The following FLNC variants were observed in gnomAD, a reference collection of about 807,000 sequenced individuals.
FLNC encodes filamin C, also known as filamin-C.
FLNC carries 91 observed loss-of-function variants against 254.3 expected under a neutral mutation model. That is an observed-to-expected ratio of 0.36 (90% CI 0.30 to 0.43). The LOEUF (loss-of-function observed/expected upper bound fraction) is 0.43. Ranked by LOEUF, FLNC falls within the 20% of genes least tolerant of loss-of-function variation. The probability of loss-of-function intolerance (pLI) is 1.00; values close to 1 mark genes in which losing one functional copy is unlikely to be tolerated. For missense variants in FLNC, 2,853 were observed against 3,802.6 expected, an observed-to-expected ratio of 0.75 and a Z score of 6.57; for synonymous variants, 1,430 against 1,577.2, an observed-to-expected ratio of 0.91 and a Z score of 2.21.
intron 1 of FLNC, among the ~76,000 whole-genome samples, chr7:128,833,574 C>T (rs1239260835): frequency 6.6e-6 from 1 of 152,070 alleles, no homozygotes; most frequent in African/African-American, 2.4e-5. Context: ...GGAGAAACTT[C>T]CCTCTCCAGC....
chr7:128,830,949 C>T lies in FLNC; in HGVS notation c.312C>T (p.Leu104=), dbSNP rs762302204. 6.2e-6 allele frequency: 10 copies of T among 1,611,068 alleles called. No individual in the cohort carries two copies. The highest frequency in any genetic ancestry group is 2.2e-5 in the East Asian group (1 of 44,882). The change falls in exon 1 of 48, where the codon CTC becomes CTT. Residue 104 remains leucine, a synonymous_variant. Transcript: ENST00000325888. ...AGCTGGAGAACGTGTCCGTGGCCCT[C>T]GAGTTCCTCGAGCGCGAGCACATCA... is the stretch of plus-strand genomic sequence containing the variant. ...QMKLENVSVA[L]EFLEREHIKL... is the part of the protein sequence containing the mutation.
chr7:128,842,264 A>G lies in FLNC; in HGVS notation c.2155A>G (p.Ile719Val). The G allele has an allele frequency of 6.2e-7, 1 of 1,613,710 alleles. No homozygotes were observed. The highest frequency in any genetic ancestry group is 8.5e-7 in the Non-Finnish European group (1 of 1,179,986). Reference sequence around the variant, plus strand: ...CGGCTGTCCCATCGACATCAAGGTGATCCCCAACGGCGACGGCACCTTCCG... The same window carrying G: ...CGGCTGTCCCATCGACATCAAGGTGGTCCCCAACGGCGACGGCACCTTCCG... ...ADGCPIDIKV[I>V]PNGDGTFRCS... The change falls in exon 14 of 48, where the codon ATC (isoleucine) becomes GTC (valine). Residue 719 changes from isoleucine to valine, a missense_variant. Physicochemically the swap from Ile to Val is conservative, Grantham distance 29. Transcript: ENST00000325888. This position sits in a 1 kb window ranked among gnomAD's most constrained non-coding sequence, Gnocchi z 5.4.
rs1227192105 is a variant in FLNC, at chr7:128,841,469, C to T, written c.2023C>T (p.Pro675Ser). Residue 675 changes from proline (P) to serine (S), a missense_variant, in exon 13 of 48, where the codon CCT becomes TCT. Physicochemically the swap from Pro to Ser is moderately conservative, Grantham distance 74 (BLOSUM62 -1). This residue lies in a region of FLNC where 1,573 missense variants were observed against 1,883.5 expected (regional missense o/e 0.84). Transcript: ENST00000325888. This position sits in a 1 kb window ranked among gnomAD's most constrained non-coding sequence, Gnocchi z 4.3. ...CTCCGCACAGGTGAAGGCCTTTGGG[C>T]CTGGCCTGGAGCCTACCGGCTGCAT... The part of the protein sequence containing the change: ...CFPDKVKAFG[P>S]GLEPTGCIVD... 9.9e-6 allele frequency: 16 copies of T among 1,613,962 alleles called. No individual in the cohort carries two copies. The highest frequency in any genetic ancestry group is 1.7e-5 in the Admixed American group (1 of 60,008).
Position 128,835,296 on chromosome 7 carries a change from CT to C in FLNC, c.353-29del, listed in dbSNP as rs778837568. 2.5e-6 allele frequency: 4 copies of C among 1,611,978 alleles called. No individual in the cohort carries two copies. The highest frequency in any genetic ancestry group is 3.4e-6 in the Non-Finnish European group (4 of 1,179,880). ...TGGGGCAGTGGAGGGTGGGGCGCCC[CT>C]GAGCCCGTCTGTGCCCTCCCCTCTG... On this transcript the variant is annotated intron_variant, in intron 1 of 47. Coordinates refer to ENST00000325888, the MANE Select transcript of FLNC (RefSeq NM_001458.5). This position sits in a 1 kb window ranked among gnomAD's most constrained non-coding sequence, Gnocchi z 5.3.
intron 31 of FLNC, 25 bp from the exon 32 acceptor site, chr7:128,850,359 G>A: frequency 6.3e-7 from 1 of 1,593,300 alleles, no homozygotes; most frequent in Middle Eastern, 1.7e-4. Context: ...CCCAGTCACT[G>A]ACTGTTCCCT....
Position 128,853,817 on chromosome 7 carries a change from A to C in FLNC, c.6464A>C (p.Asp2155Ala). 1 of 1,613,458 alleles carries C rather than the reference A, an allele frequency of 6.2e-7. No individual in the cohort carries two copies. The highest frequency in any genetic ancestry group is 8.5e-7 in the Non-Finnish European group (1 of 1,179,992). Residue 2155 changes from aspartate (D) to alanine (A), a missense_variant, in exon 39 of 48, where the codon GAC becomes GCC. Physicochemically the swap from Asp to Ala is moderately radical, Grantham distance 126. This residue lies in a region of FLNC where 551 missense variants were observed against 835.0 expected (regional missense o/e 0.66). Transcript: ENST00000325888. ...PSIATIGSTC[D>A]LNLKIPGNWF... The stretch of plus-strand genomic sequence containing the variant: ...ATCGCCACCATCGGCAGCACCTGTG[A>C]CCTCAACCTCAAGATCCCAGGTAGA...
intron 35 of FLNC, among the ~76,000 whole-genome samples, chr7:128,852,144 G>C (rs1023825429): frequency 6.6e-6 from 1 of 152,174 alleles, no homozygotes; most frequent in African/African-American, 2.4e-5. Flanking sequence ...GATTACAGGT[G>C]TGAGCCACCA....
chr7:128,855,139 G>T, intron 42 of FLNC, 60 bp from the exon 43 acceptor site: 2 of 1,251,690 alleles, frequency 1.6e-6, no homozygotes, highest in South Asian at 2.4e-5. Context: ...CCAGGGTGGG[G>T]AGGCTCCCGC....
At chr7:128,850,114 CCCTT>C in intron 31 of FLNC, 40 bp downstream of exon 31, 2 of 1,419,230 alleles carry the variant, frequency 1.4e-6, no homozygotes, top group African/African-American at 1.4e-5. Flanking sequence ...CCTCCTCCTC[CCCTT>C]CCTTCATTTC....
rs568452175 is a variant in FLNC, at chr7:128,843,863, T to G, written c.2879T>G (p.Val960Gly). 10 of 1,614,026 alleles carry G rather than the reference T, an allele frequency of 6.2e-6. No homozygotes were observed. In the East Asian group the frequency reaches 6.7e-5, roughly 11 times the overall value. Residue 960 changes from valine (V) to glycine (G), a missense_variant, in exon 19 of 48, where the codon GTG (valine) becomes GGG (glycine). This residue lies in a region of FLNC where 1,573 missense variants were observed against 1,883.5 expected (regional missense o/e 0.84). Coordinates refer to ENST00000325888, the MANE Select transcript of FLNC (RefSeq NM_001458.5). ...PVPKSPFVVNVAPPLDLSKIK... is the reference protein window; with the variant it reads ...PVPKSPFVVNGAPPLDLSKIK... ...CCCAAGAGCCCCTTTGTGGTGAATG[T>G]GGCACCCCCGCTGGACCTCAGCAAA... is the stretch of plus-strand genomic sequence containing the variant.
chr7:128,840,391 G>A (rs1053055471), intron 9 of FLNC, among the ~76,000 whole-genome samples, 157 bp from the exon 10 acceptor site: 3 of 152,220 alleles, frequency 2.0e-5, no homozygotes, highest in African/African-American at 7.2e-5. Flanking sequence ...TATGCACAGG[G>A]ATGACAAGTG....
At position 128,830,656 on chromosome 7, in the gene FLNC, T is replaced by G. The variant is rs896068048; in HGVS notation, c.19T>G (p.Tyr7Asp). 7 of 1,612,162 alleles carry G rather than the reference T, an allele frequency of 4.3e-6. No homozygotes were observed. The African/African-American group carries it at 9.3e-5, about 22-fold the overall frequency. ...CGCCAGCATGATGAACAACAGCGGCTACTCAGACGCCGGCCTCGGCCTGGG... is the reference window on the plus strand; with the variant it reads ...CGCCAGCATGATGAACAACAGCGGCGACTCAGACGCCGGCCTCGGCCTGGG... MMNNSG[Y>D]SDAGLGLGDE... Residue 7 changes from tyrosine to aspartate, a missense_variant, in exon 1 of 48, where the codon TAC becomes GAC. Tyr to Asp is a radical substitution (Grantham distance 160, BLOSUM62 -3). Around this residue, in one of 10 missense-constraint regions of FLNC, gnomAD observed 37 missense variants for 32.7 expected, o/e 1.13. Coordinates refer to ENST00000325888, the MANE Select transcript of FLNC (RefSeq NM_001458.5).
rs977646893 is a variant in FLNC at position 128,843,515 on chromosome 7, G to C, written c.2749G>C (p.Asp917His). 2.5e-6 allele frequency: 4 copies of C among 1,613,870 alleles called. No individual in the cohort carries two copies. The African/African-American group carries it at 5.3e-5, about 22-fold the overall frequency. Residue 917 changes from aspartate (D) to histidine (H), a missense_variant, in exon 18 of 48, where the codon GAC (aspartate) becomes CAC (histidine). Physicochemically the swap from Asp to His is moderately conservative, Grantham distance 81 (BLOSUM62 -1). Around this residue, in one of 10 missense-constraint regions of FLNC, gnomAD observed 1,573 missense variants for 1,883.5 expected, o/e 0.84. Coordinates refer to ENST00000325888, the MANE Select transcript of FLNC (RefSeq NM_001458.5). ...GACAGCCAAGGGCGAGGTTGTGCGG[G>C]ACTTTGAGATCATAGACAACCATGA... ...AGTAKGEVVR[D>H]FEIIDNHDYS...
rs1351915127 is a variant in FLNC at position 128,848,658 on chromosome 7, G to C, written c.4678G>C (p.Val1560Leu). 5.6e-6 allele frequency: 9 copies of C among 1,613,470 alleles called. No homozygotes were observed. The African/African-American group carries it at 9.3e-5, about 17-fold the overall frequency. The change falls in exon 27 of 48, where the codon GTG becomes CTG. Residue 1560 changes from valine to leucine, a missense_variant. By Grantham distance (32) the Val-to-Leu change is conservative (BLOSUM62 1). Around this residue, in one of 10 missense-constraint regions of FLNC, gnomAD observed 1,573 missense variants for 1,883.5 expected, o/e 0.84. Coordinates refer to ENST00000325888, the MANE Select transcript of FLNC (RefSeq NM_001458.5). ...CTCTGGCATCCCTGCCAGCCTGCCT[G>C]TGGAGTTCACCATCGACGCACGGGA... ...NASGIPASLPVEFTIDARDAG... is the reference protein window; with the variant it reads ...NASGIPASLPLEFTIDARDAG...
At chr7:128,839,871 C>A in intron 8 of FLNC, 152 bp from the exon 9 acceptor site, 1 of 991,282 alleles carries the variant, frequency 1.0e-6, no homozygotes, top group Non-Finnish European at 1.5e-6. Flanking sequence ...CCCGGCAGCC[C>A]CGGTTGTGCT....
At chr7:128,853,936 C>G (rs553363310) in intron 39 of FLNC, 38 bp from the exon 40 acceptor site, 1 of 1,613,228 alleles carries the variant, frequency 6.2e-7, no homozygotes, top group East Asian at 2.2e-5. Flanking sequence ...CCTCACCCCT[C>G]GCTTCCCTCC....
rs746295273 is a variant in FLNC, at chr7:128,835,498, G to C, written c.525G>C (p.Gln175His). 6.2e-7 allele frequency: 1 copy of C among 1,613,762 alleles called. No individual in the cohort carries two copies. The highest frequency in any genetic ancestry group is 1.7e-5 in the Admixed American group (1 of 60,028). ...LLGWIQNKVP[Q>H]LPITNFNRDW... The stretch of plus-strand genomic sequence containing the variant: ...GCTGGATCCAGAACAAGGTGCCCCA[G>C]CTGCCCATCACCAACTTCAACCGTG... The change falls in exon 2 of 48, where the codon CAG becomes CAC. Residue 175 changes from glutamine to histidine, a missense_variant. This residue lies in a region of FLNC where 115 missense variants were observed against 230.3 expected (regional missense o/e 0.50). Coordinates refer to ENST00000325888, the MANE Select transcript of FLNC (RefSeq NM_001458.5). The surrounding 1 kb of genome is among the most constrained non-coding windows in gnomAD (Gnocchi z 5.3).
At chr7:128,854,992 T>A in intron 42 of FLNC, 80 bp downstream of exon 42, 1 of 1,508,920 alleles carries the variant, frequency 6.6e-7, no homozygotes, top group Middle Eastern at 1.8e-4. Context: ...AGGCAGGAGA[T>A]GCTTGGGGCC....
intron 8 of FLNC, among the ~76,000 whole-genome samples, chr7:128,839,227 G>A (rs1427989340): frequency 6.6e-6 from 1 of 152,260 alleles, no homozygotes; most frequent in East Asian, 1.9e-4. Context: ...CATGGCCCGG[G>A]CCGTGTGGAA....
Sources: allele counts gnomAD v4.1 joint callset (sites outside exome capture counted in the v4.1 genomes callset), GRCh38; gene constraint gnomAD v4.1.1; regional missense constraint gnomAD v4.1.1; non-coding constraint Gnocchi (gnomAD v3.1); transcripts MANE v1.5; gene names NCBI Gene and HGNC (gene_info 2026-07-23, HGNC 2026-07-21).